Variants in TMEM132D observed in about 807,000 individuals in gnomAD.
TMEM132D encodes mature OL transmembrane protein.
A neutral mutation model predicts 62.3 loss-of-function variants in TMEM132D; 21 were observed. The ratio of observed to expected loss-of-function variants is 0.34; its 90% CI spans 0.24 to 0.49. The LOEUF (loss-of-function observed/expected upper bound fraction) is 0.49. Among genes scored for constraint, TMEM132D ranks in the 20% least tolerant of loss-of-function variants. The pLI is 0.99. For synonymous variants in TMEM132D, 621 were observed against 575.6 expected (o/e 1.08, Z -1.13); for missense variants, 1,346 against 1,402.8 (o/e 0.96, Z 0.65).
At chr12:129,202,532 A>G (rs1878732505) in intron 5 of TMEM132D, among the ~76,000 whole-genome samples, 1 of 152,196 alleles carries the variant, frequency 6.6e-6, no homozygotes, top group African/African-American at 2.4e-5. Context: ...AGTCATTCTC[A>G]GAAACAAAGA....
In TMEM132D at chr12:129,224,737, C is replaced by T. The variant is rs927141771; in HGVS notation, c.1300-15074G>A. 2.6e-5 allele frequency among the ~76,000 whole-genome samples: 4 copies of T among 152,306 alleles called. No individual in the cohort carries two copies. In the South Asian group the frequency reaches 8.3e-4, roughly 32 times the overall value. On this transcript the variant is annotated intron_variant, in intron 4 of 8. Transcript: ENST00000422113. ...ACTGGCCAACATGGCAAAACCCCAT[C>T]TCTATTAAAAATACAAAATTAGCCA... is the stretch of plus-strand genomic sequence containing the variant.
chr12:129,334,345 G>GTGA (rs1869207686), intron 4 of TMEM132D, among the ~76,000 whole-genome samples: 1 of 147,182 alleles, frequency 6.8e-6, no homozygotes, highest in African/African-American at 2.7e-5. Context: ...TGGAGGAAGA[G>GTGA]TGATGGATCT....
In TMEM132D at chr12:129,209,905, C is replaced by T. The variant is rs142477142; in HGVS notation, c.1300-242G>A. On this transcript the variant is annotated intron_variant, in intron 4 of 8. Transcript: ENST00000422113. ...AAGGGGTGGAGGACAGAAAAGGTGGCGGAGGAAATTTATTACTAATATTGT... is the reference window on the plus strand; with the variant it reads ...AAGGGGTGGAGGACAGAAAAGGTGGTGGAGGAAATTTATTACTAATATTGT... The T allele has an allele frequency of 1.4e-3, 709 of 517,068 alleles. 3 individuals are homozygous for T. The highest frequency in any genetic ancestry group is 0.012 in the African/African-American group (618 of 52,604). 32.0% of individuals were successfully genotyped at this position (517,068 alleles called of 1,614,324 possible).
At chr12:129,589,896 T>C (rs1878142832) in intron 2 of TMEM132D, among the ~76,000 whole-genome samples, 1 of 152,188 alleles carries the variant, frequency 6.6e-6, no homozygotes, top group South Asian at 2.1e-4. Context: ...TGGACTTTTA[T>C]AGTACATTTC....
At chr12:129,482,393 T>C (rs1874454252) in intron 3 of TMEM132D, among the ~76,000 whole-genome samples, 1 of 152,220 alleles carries the variant, frequency 6.6e-6, no homozygotes. Context: ...CCATGCTATA[T>C]TAAATGAAAA....
At chr12:129,441,381 T>C (rs1035667533) in intron 3 of TMEM132D, among the ~76,000 whole-genome samples, 3 of 152,074 alleles carry the variant, frequency 2.0e-5, no homozygotes, top group Admixed American at 2.0e-4. Context: ...TAAGAGGAAC[T>C]GTTAAGGCCA....
In TMEM132D at chr12:129,880,738, C is replaced by T. The variant is rs552572240; in HGVS notation, c.79+22523G>A. Among the ~76,000 whole-genome samples, 4 of 150,142 alleles carry T rather than the reference C, an allele frequency of 2.7e-5. No individual in the cohort carries two copies. In the South Asian group the frequency reaches 6.2e-4, roughly 23 times the overall value. On this transcript the variant is annotated intron_variant, in intron 1 of 8. Transcript: ENST00000422113. ...GAATTTTTTAAAAGATAAATAATAA[C>T]CCATTAGTAGAGATAAAATAGAGTT...
intron 2 of TMEM132D, among the ~76,000 whole-genome samples, chr12:129,576,603 T>TACACAC (rs140376991): frequency 0.02 from 2,933 of 149,928 alleles, 111 homozygotes; most frequent in African/African-American, 0.048. Flanking sequence ...ATACATATTA[T>TACACAC]ACACACACAC....
intron 1 of TMEM132D, among the ~76,000 whole-genome samples, chr12:129,794,234 G>A (rs557233061): frequency 1.3e-3 from 200 of 148,898 alleles, no homozygotes; most frequent in African/African-American, 4.6e-3. Context: ...GATCACAGGC[G>A]TGCACCACCA....
At chr12:129,595,627 C>A (rs1213448491) in intron 2 of TMEM132D, among the ~76,000 whole-genome samples, 1 of 152,234 alleles carries the variant, frequency 6.6e-6, no homozygotes, top group Non-Finnish European at 1.5e-5. Context: ...GGTTCCCAAG[C>A]AGTCTTGTGC....
In TMEM132D at chr12:129,142,563, T is replaced by C. The variant is rs556674813; in HGVS notation, c.1444-57861A>G. Among the ~76,000 whole-genome samples, 29 of 152,336 alleles carry C rather than the reference T, an allele frequency of 1.9e-4. 1 individual carries two copies. The highest frequency in any genetic ancestry group is 5.1e-4 in the African/African-American group (21 of 41,570). ...ATATGTTTAGAAAATTATGATTAAGTCTATAATCAACACTTAAAACTAATC... is the reference window on the plus strand; with the variant it reads ...ATATGTTTAGAAAATTATGATTAAGCCTATAATCAACACTTAAAACTAATC... On this transcript the variant is annotated intron_variant, in intron 5 of 8. Transcript: ENST00000422113.
chr12:129,619,309 C>T (rs10847913), intron 2 of TMEM132D, among the ~76,000 whole-genome samples: 39,337 of 152,058 alleles, frequency 0.26, 5,512 homozygotes, highest in Admixed American at 0.38. Flanking sequence ...GGAAGAGAAT[C>T]GATCTGCATC....
Position 129,610,293 on chromosome 12 carries a change from A to G in TMEM132D, c.969-79088T>C, listed in dbSNP as rs76112907. Among the ~76,000 whole-genome samples the G allele has an allele frequency of 2.2e-3, 327 of 149,734 alleles. 2 individuals carry two copies. Among genetic ancestry groups the G allele is most frequent in the African/African-American group, 7.3e-3 (296 of 40,752 alleles). On this transcript the variant is annotated intron_variant, in intron 2 of 8. Coordinates refer to ENST00000422113, the MANE Select transcript of TMEM132D (RefSeq NM_133448.3). ...GCTCTGTCTCAAAAAAAAAAAAAAA[A>G]AGAGAGACAGAGAGAGAGGGAAAAG...
intron 4 of TMEM132D, among the ~76,000 whole-genome samples, chr12:129,213,054 C>A (rs925730841): frequency 6.6e-6 from 1 of 152,122 alleles, no homozygotes; most frequent in Admixed American, 6.5e-5. Flanking sequence ...GCAAGTGACA[C>A]GGGGAAAAGG....
At chr12:129,618,239 A>G (rs970508367) in intron 2 of TMEM132D, among the ~76,000 whole-genome samples, 1 of 152,224 alleles carries the variant, frequency 6.6e-6, no homozygotes, top group African/African-American at 2.4e-5. Flanking sequence ...CTGGACCCAA[A>G]ATTGTGAGGG....
intron 3 of TMEM132D, among the ~76,000 whole-genome samples, chr12:129,380,327 A>G (rs1372072260): frequency 6.6e-6 from 1 of 152,238 alleles, no homozygotes; most frequent in Admixed American, 6.5e-5. Context: ...ATCGATACTC[A>G]AAGTCTCCAC....
At chr12:129,536,913 G>T (rs12422429) in intron 2 of TMEM132D, among the ~76,000 whole-genome samples, 71,625 of 151,840 alleles carry the variant, frequency 0.47, 17,387 homozygotes, top group African/African-American at 0.59. Flanking sequence ...TCCCAGCCAT[G>T]TGGGAGGCCG....
intron 5 of TMEM132D, among the ~76,000 whole-genome samples, chr12:129,206,690 A>G (rs1419804930): frequency 1.3e-5 from 2 of 152,216 alleles, no homozygotes; most frequent in Non-Finnish European, 2.9e-5. Flanking sequence ...TAGCAAAGAC[A>G]TGAAATTAAC....
intron 3 of TMEM132D, among the ~76,000 whole-genome samples, chr12:129,365,798 A>T (rs1433887689): frequency 2.0e-5 from 3 of 152,150 alleles, no homozygotes; most frequent in Non-Finnish European, 2.9e-5. Context: ...TCCTGGCACT[A>T]GAGGTAGAAC....
Sources: allele counts gnomAD v4.1 joint callset (sites outside exome capture counted in the v4.1 genomes callset), GRCh38; gene constraint gnomAD v4.1.1; transcripts MANE v1.5; gene names NCBI Gene and HGNC (gene_info 2026-07-23, HGNC 2026-07-21).